ASIC2: variants seen among roughly 807,000 people sequenced by gnomAD.
ASIC2 encodes acid-sensing ion channel 2.
In ASIC2, 25 loss-of-function variants were observed where a neutral mutation model predicts 57.3. The observed-to-expected ratio is 0.44, with a 90% CI of 0.32 to 0.61. The LOEUF (loss-of-function observed/expected upper bound fraction) is 0.61, where lower values mean the gene tolerates loss of function less well. Ranked by LOEUF, ASIC2 falls within the 20% of genes least tolerant of loss-of-function variation. The pLI is 0.06. For synonymous variants in ASIC2, 319 were observed against 307.5 expected (o/e 1.04, Z -0.39); for missense variants, 641 against 738.1 (o/e 0.87, Z 1.52).
intron 1 of ASIC2, among the ~76,000 whole-genome samples, chr17:33,795,929 G>C (rs1223836143): frequency 2.0e-5 from 3 of 152,224 alleles, no homozygotes; most frequent in Admixed American, 2.0e-4. Context: ...TCTGAGTTGA[G>C]CACATGGCAG....
intron 1 of ASIC2, chr17:33,827,746 T>C (rs759066116): frequency 3.9e-5 from 6 of 152,146 alleles, no homozygotes; most frequent in Admixed American, 6.5e-5. Flanking sequence ...CTGGGATACA[T>C]GTGCAGAACA....
intron 1 of ASIC2, among the ~76,000 whole-genome samples, chr17:34,075,660 G>C (rs1909609006): frequency 6.6e-6 from 1 of 151,952 alleles, no homozygotes; most frequent in African/African-American, 2.4e-5. Flanking sequence ...ATCACCATGT[G>C]ATATCCCCTG....
intron 1 of ASIC2, among the ~76,000 whole-genome samples, chr17:33,185,037 T>C (rs1276467043): frequency 6.6e-6 from 1 of 152,214 alleles, no homozygotes; most frequent in African/African-American, 2.4e-5. Context: ...TACTCAATTC[T>C]AGTCCTCTGA....
intron 3 of ASIC2, among the ~76,000 whole-genome samples, chr17:33,041,327 T>C (rs2091929109): frequency 6.6e-6 from 1 of 152,186 alleles, no homozygotes; most frequent in Admixed American, 6.5e-5. Flanking sequence ...TCTGAGTCTT[T>C]AGGTTAGGAA....
At chr17:33,071,626 G>A (rs757823010) in intron 3 of ASIC2, among the ~76,000 whole-genome samples, 1 of 152,144 alleles carries the variant, frequency 6.6e-6, no homozygotes, top group African/African-American at 2.4e-5. Flanking sequence ...ATGATTGGAT[G>A]CCAGATGTCA....
intron 1 of ASIC2, chr17:33,984,501 G>A (rs1169053874): frequency 2.0e-5 from 3 of 152,208 alleles, no homozygotes; most frequent in Non-Finnish European, 4.4e-5. Flanking sequence ...AGAGCCTCTT[G>A]CCTAGGATTA....
At chr17:33,487,650 T>A (rs1305093591) in intron 1 of ASIC2, among the ~76,000 whole-genome samples, 2 of 152,170 alleles carry the variant, frequency 1.3e-5, no homozygotes, top group African/African-American at 4.8e-5. Context: ...AGATTAACAT[T>A]TGAGTCACTC....
chr17:33,364,872 T>G (rs1329418517), intron 1 of ASIC2, among the ~76,000 whole-genome samples: 1 of 152,230 alleles, frequency 6.6e-6, no homozygotes, highest in East Asian at 1.9e-4. Context: ...GTCTGAGTAC[T>G]GCACAGCCCT....
chr17:33,138,851 T>C (rs1181545219), intron 1 of ASIC2, among the ~76,000 whole-genome samples: 1 of 152,256 alleles, frequency 6.6e-6, no homozygotes, highest in Non-Finnish European at 1.5e-5. Context: ...ATATTTTAAC[T>C]GGCTGCCTTT....
chr17:33,849,254 A>C (rs1369777843), intron 1 of ASIC2, among the ~76,000 whole-genome samples: 1 of 152,204 alleles, frequency 6.6e-6, no homozygotes, highest in Non-Finnish European at 1.5e-5. Context: ...ACAGAGGGCC[A>C]TGAGAACCCA....
intron 1 of ASIC2, among the ~76,000 whole-genome samples, chr17:33,506,125 T>C (rs1914244155): frequency 6.6e-6 from 1 of 150,878 alleles, no homozygotes. Flanking sequence ...CTGGGTGTGG[T>C]GGCTCACGCC....
At chr17:33,405,005 T>C (rs1567850285) in intron 1 of ASIC2, among the ~76,000 whole-genome samples, 1 of 152,114 alleles carries the variant, frequency 6.6e-6, no homozygotes. Flanking sequence ...TTATTTTTTT[T>C]TTTTTCTTTT....
chr17:33,759,345 T>C (rs1373957546), intron 1 of ASIC2, among the ~76,000 whole-genome samples: 2 of 152,192 alleles, frequency 1.3e-5, no homozygotes, highest in Non-Finnish European at 1.5e-5. Context: ...TCAGGCTGCT[T>C]CATGATTACT....
At chr17:33,344,452 A>G (rs2036537) in intron 1 of ASIC2, among the ~76,000 whole-genome samples, 60,036 of 152,018 alleles carry the variant, frequency 0.39, 12,642 homozygotes, top group Middle Eastern at 0.53. Flanking sequence ...GGGACACGAC[A>G]GGTGGAATCA....
intron 1 of ASIC2, among the ~76,000 whole-genome samples, chr17:33,356,506 A>C (rs1490462301): frequency 6.6e-6 from 1 of 152,152 alleles, no homozygotes; most frequent in Admixed American, 6.5e-5. Flanking sequence ...ATGTGGGTGC[A>C]ATCTGCATTC....
At chr17:33,464,212 C>T (rs923780908) in intron 1 of ASIC2, among the ~76,000 whole-genome samples, 4 of 152,202 alleles carry the variant, frequency 2.6e-5, no homozygotes, top group African/African-American at 7.2e-5. Context: ...CCTGCCTGCT[C>T]AGTGGCTTCT....
chr17:33,538,320 G>A (rs1364995528), intron 1 of ASIC2, among the ~76,000 whole-genome samples: 1 of 152,176 alleles, frequency 6.6e-6, no homozygotes, highest in African/African-American at 2.4e-5. Context: ...AATGAGAAGA[G>A]GTTAGGAGGT....
intron 1 of ASIC2, among the ~76,000 whole-genome samples, chr17:33,183,734 A>G (rs1906078926): frequency 6.6e-6 from 1 of 152,204 alleles, no homozygotes; most frequent in South Asian, 2.1e-4. Context: ...GAAATGGATC[A>G]CCATCCACAC....
chr17:33,227,186 C>T (rs1404248747), intron 1 of ASIC2, among the ~76,000 whole-genome samples: 1 of 152,210 alleles, frequency 6.6e-6, no homozygotes, highest in Non-Finnish European at 1.5e-5. Context: ...GTCAGTGGGG[C>T]AGGCCTGGGC....
Sources: gnomAD v4.1 joint callset for allele counts (sites outside exome capture counted in the v4.1 genomes callset) on GRCh38, gnomAD v4.1.1 for gene constraint, MANE v1.5 for transcripts, NCBI Gene and HGNC (gene_info 2026-07-23, HGNC 2026-07-21) for gene names.